The following ANK3 variants were observed in gnomAD, a reference collection of about 807,000 sequenced individuals.
The protein encoded by ANK3 is ankyrin 3, also known as ankyrin-3.
ANK3 carries 57 observed loss-of-function variants against 370.9 expected under a neutral mutation model. The observed-to-expected ratio is 0.15, with a 90% CI of 0.12 to 0.19. The LOEUF is 0.19. ANK3 is among the 10% of genes least tolerant of loss of function. The pLI is 1.00. For missense variants in ANK3, 4,439 were observed against 5,302.1 expected (o/e 0.84, Z 5.06); for synonymous variants, 1,929 against 1,946.3 (o/e 0.99, Z 0.23).
chr10:60,425,492 G>A (rs1376354452), intron 2 of ANK3, among the ~76,000 whole-genome samples: 2 of 152,058 alleles, frequency 1.3e-5, no homozygotes, highest in Non-Finnish European at 2.9e-5. Context: ...AAGTAGAAAA[G>A]GTTTTGCCTT....
chr10:60,428,385 CTA>C (rs1201552843), intron 2 of ANK3, among the ~76,000 whole-genome samples: 1 of 152,130 alleles, frequency 6.6e-6, no homozygotes, highest in Non-Finnish European at 1.5e-5. Context: ...GGTGCTGTGA[CTA>C]GCTTTAGTGG....
chr10:60,374,830 A>C (rs2132802756), intron 1 of ANK3, among the ~76,000 whole-genome samples: 1 of 152,332 alleles, frequency 6.6e-6, no homozygotes, highest in Middle Eastern at 3.4e-3. Flanking sequence ...CTCATAAAGT[A>C]ATATGCTATA....
intron 1 of ANK3, among the ~76,000 whole-genome samples, chr10:60,347,042 C>T (rs2055706592): frequency 1.1e-5 from 1 of 90,512 alleles, no homozygotes; most frequent in Non-Finnish European, 2.3e-5. Context: ...ACTGCATTAG[C>T]AAGAAATATA....
chr10:60,592,245 AAGAAAAAAAT>A (rs938855682), intron 2 of ANK3, among the ~76,000 whole-genome samples: 4 of 152,150 alleles, frequency 2.6e-5, no homozygotes, highest in African/African-American at 9.6e-5. Flanking sequence ...TTAAACATTT[AAGAAAAAAAT>A]AGAAAAAAAT....
chr10:60,056,538 C>T (rs955926498), intron 41 of ANK3, among the ~76,000 whole-genome samples: 23 of 152,248 alleles, frequency 1.5e-4, no homozygotes, highest in Admixed American at 1.2e-3. Context: ...AGCTTCTAGA[C>T]ATCCCCCATA....
rs140568306 is a variant in ANK3 at position 60,240,906 on chromosome 10, C to T, written c.799-6120G>A. Among the ~76,000 whole-genome samples, 11 of 152,296 alleles carry T rather than the reference C, an allele frequency of 7.2e-5. No individual in the cohort carries two copies. The East Asian group carries it at 7.7e-4, about 11-fold the overall frequency. On this transcript the variant is annotated intron_variant, in intron 7 of 43. Coordinates refer to ENST00000280772, the MANE Select transcript of ANK3 (RefSeq NM_020987.5). ...ATGCCTGGTGAGATATTAATCCAAA[C>T]GTTAACAATTTCTTTCAGTAATGAG...
chr10:60,256,817 G>A (rs2097744872), intron 7 of ANK3, among the ~76,000 whole-genome samples: 1 of 152,156 alleles, frequency 6.6e-6, no homozygotes, highest in African/African-American at 2.4e-5. Flanking sequence ...CCTTTCTCAT[G>A]GCTGTGTGGT....
chr10:60,352,617 T>C (rs2057061809), intron 1 of ANK3, among the ~76,000 whole-genome samples: 1 of 152,158 alleles, frequency 6.6e-6, no homozygotes, highest in Admixed American at 6.5e-5. Flanking sequence ...GAACTTCCTA[T>C]GATGTTCTTC....
intron 1 of ANK3, among the ~76,000 whole-genome samples, chr10:60,322,796 G>C (rs995341149): frequency 6.7e-6 from 1 of 148,908 alleles, no homozygotes; most frequent in South Asian, 2.2e-4. Flanking sequence ...GAAAACCTAT[G>C]GGGGGGAAAA....
At chr10:60,205,392 A>G (rs1262742455) in intron 11 of ANK3, among the ~76,000 whole-genome samples, 1 of 152,158 alleles carries the variant, frequency 6.6e-6, no homozygotes, top group Non-Finnish European at 1.5e-5. Context: ...CTTGGCCTTG[A>G]CCCACTAGAG....
At chr10:60,203,166 G>T in intron 11 of ANK3, 66 bp from the exon 12 acceptor site, 1 of 1,097,840 alleles carries the variant, frequency 9.1e-7, no homozygotes, top group Non-Finnish European at 1.4e-6. Flanking sequence ...CTGTGAGCCT[G>T]CCTGCCTGTC....
At chr10:60,410,224 T>C (rs2063531898) in intron 2 of ANK3, among the ~76,000 whole-genome samples, 1 of 151,694 alleles carries the variant, frequency 6.6e-6, no homozygotes, top group Non-Finnish European at 1.5e-5. Flanking sequence ...AGCTCAAGAG[T>C]TTGAGACCAG....
intron 1 of ANK3, among the ~76,000 whole-genome samples, chr10:60,710,556 A>G (rs1457312925): frequency 2.0e-5 from 3 of 152,148 alleles, no homozygotes; most frequent in South Asian, 4.1e-4. Context: ...TCTACACTAC[A>G]TGGTTCATCT....
intron 1 of ANK3, among the ~76,000 whole-genome samples, 160 bp from the exon 2 acceptor site, chr10:60,279,799 C>T (rs1360942172): frequency 3.3e-5 from 5 of 152,228 alleles, no homozygotes; most frequent in Non-Finnish European, 7.4e-5. Flanking sequence ...GAAAAGGACA[C>T]ATTTTTTAAA....
In ANK3 at chr10:60,583,392, C is replaced by T. The variant is rs75394300; in HGVS notation, c.96+31794G>A. On this transcript the variant is annotated intron_variant, in intron 2 of 43. Coordinates refer to the ANK3 transcript ENST00000373827. The stretch of plus-strand genomic sequence containing the variant: ...AGGGGGATAGTGAGACATTGATCGA[C>T]GGTATAAAGCTATAGTCAGATAGGA... 4.9e-4 allele frequency among the ~76,000 whole-genome samples: 74 copies of T among 151,850 alleles called. No individual in the cohort carries two copies. The East Asian group carries it at 8.9e-3, about 18-fold the overall frequency.
chr10:60,675,016 T>A (rs2079107488), intron 1 of ANK3, among the ~76,000 whole-genome samples: 1 of 152,206 alleles, frequency 6.6e-6, no homozygotes, highest in South Asian at 2.1e-4. Flanking sequence ...CAGAACCACA[T>A]TTGCATTGCA....
intron 1 of ANK3, among the ~76,000 whole-genome samples, chr10:60,675,617 A>G (rs2079114767): frequency 6.6e-6 from 1 of 152,248 alleles, no homozygotes; most frequent in Non-Finnish European, 1.5e-5. Flanking sequence ...AGAAGTTCCA[A>G]TGAAACAAGT....
chr10:60,156,543 C>T (rs370087349), intron 23 of ANK3, among the ~76,000 whole-genome samples: 3 of 152,110 alleles, frequency 2.0e-5, no homozygotes, highest in African/African-American at 4.8e-5. Flanking sequence ...TTAGAGTGAC[C>T]GCATTATCCC....
At chr10:60,142,341 A>G (rs1457870407) in intron 23 of ANK3, among the ~76,000 whole-genome samples, 1 of 151,914 alleles carries the variant, frequency 6.6e-6, no homozygotes, top group African/African-American at 2.4e-5. Flanking sequence ...CGCACCCTCT[A>G]CTCACCATTA....
Sources: gnomAD v4.1 joint callset for allele counts (sites outside exome capture counted in the v4.1 genomes callset) on GRCh38, gnomAD v4.1.1 for gene constraint, MANE v1.5 for transcripts, NCBI Gene and HGNC (gene_info 2026-07-23, HGNC 2026-07-21) for gene names.